Variants in GRID2 observed in about 807,000 individuals in gnomAD.
GRID2 encodes glutamate receptor ionotropic, delta-2.
Under a neutral mutation model 114.8 loss-of-function variants are expected in GRID2, and 33 were observed. That is an observed-to-expected ratio of 0.29 (90% CI 0.22 to 0.38). The LOEUF is 0.38. GRID2 is among the 10% of genes least tolerant of loss of function. The pLI is 1.00. For synonymous variants in GRID2, 505 were observed against 449.9 expected (o/e 1.12, Z -1.55); for missense variants, 1,184 against 1,257.7 (o/e 0.94, Z 0.89).
At chr4:93,714,551 C>T (rs1205298185) in intron 14 of GRID2, among the ~76,000 whole-genome samples, 1 of 152,054 alleles carries the variant, frequency 6.6e-6, no homozygotes, top group Non-Finnish European at 1.5e-5. Flanking sequence ...ATTTACACTC[C>T]CACCAACATT....
intron 8 of GRID2, among the ~76,000 whole-genome samples, chr4:93,258,021 C>CAAT (rs1240950046): frequency 1.2e-4 from 18 of 148,118 alleles, no homozygotes; most frequent in African/African-American, 4.6e-4. Context: ...CACACACACA[C>CAAT]ACACACAATA....
chr4:92,941,033 T>G (rs1002436724), intron 2 of GRID2, among the ~76,000 whole-genome samples: 1 of 152,172 alleles, frequency 6.6e-6, no homozygotes, highest in African/African-American at 2.4e-5. Flanking sequence ...AATTCTCTTT[T>G]ATTGTTGTGT....
intron 1 of GRID2, among the ~76,000 whole-genome samples, chr4:92,388,568 T>A (rs1730090391): frequency 6.6e-6 from 1 of 152,002 alleles, no homozygotes; most frequent in South Asian, 2.1e-4. Context: ...GCTCTAAGAC[T>A]CTCATCTTTT....
intron 13 of GRID2, among the ~76,000 whole-genome samples, chr4:93,617,124 C>A (rs1741756041): frequency 6.6e-6 from 1 of 152,122 alleles, no homozygotes; most frequent in African/African-American, 2.4e-5. Context: ...AGAAAACATT[C>A]AAGTAAGATC....
At chr4:92,576,687 A>T (rs186133306) in intron 1 of GRID2, among the ~76,000 whole-genome samples, 2 of 152,280 alleles carry the variant, frequency 1.3e-5, no homozygotes, top group African/African-American at 4.8e-5. Flanking sequence ...GCATGGGCCC[A>T]TGATGGGACC....
chr4:92,757,641 G>A (rs993220440), intron 2 of GRID2, among the ~76,000 whole-genome samples: 4 of 151,942 alleles, frequency 2.6e-5, no homozygotes, highest in African/African-American at 9.7e-5. Flanking sequence ...GAGTATGATA[G>A]AGAAGAATAA....
chr4:93,795,557 T>C (rs897070126), intron 1 of GRID2, among the ~76,000 whole-genome samples: 1 of 152,164 alleles, frequency 6.6e-6, no homozygotes, highest in Non-Finnish European at 1.5e-5. Flanking sequence ...TTTATTGAAA[T>C]ACAACATTTC....
chr4:92,761,068 T>G (rs551568022), intron 2 of GRID2, among the ~76,000 whole-genome samples: 1 of 152,176 alleles, frequency 6.6e-6, no homozygotes, highest in Admixed American at 6.5e-5. Flanking sequence ...TTTAACTACA[T>G]TGTATCCTGG....
intron 3 of GRID2, among the ~76,000 whole-genome samples, chr4:93,110,101 A>C (rs1269542932): frequency 6.6e-6 from 1 of 152,172 alleles, no homozygotes; most frequent in Non-Finnish European, 1.5e-5. Flanking sequence ...TATGTTTTGC[A>C]CATTAAGTAT....
intron 13 of GRID2, among the ~76,000 whole-genome samples, chr4:93,560,475 A>G (rs544440186): frequency 2.0e-5 from 3 of 151,916 alleles, no homozygotes; most frequent in Admixed American, 1.3e-4. Context: ...AAACAACCAG[A>G]TCTCATGTGA....
At chr4:93,040,609 A>G (rs896854764) in intron 2 of GRID2, among the ~76,000 whole-genome samples, 10 of 152,150 alleles carry the variant, frequency 6.6e-5, no homozygotes, top group Non-Finnish European at 1.2e-4. Context: ...TAACTGTGAT[A>G]ATTTAAGTCT....
chr4:92,471,819 G>T (rs989726241), intron 1 of GRID2, among the ~76,000 whole-genome samples: 1 of 149,874 alleles, frequency 6.7e-6, no homozygotes, highest in African/African-American at 2.4e-5. Context: ...CACTGTATTA[G>T]TTTGCATTTT....
At chr4:93,681,131 C>A (rs143257096) in intron 14 of GRID2, among the ~76,000 whole-genome samples, 1 of 151,072 alleles carries the variant, frequency 6.6e-6, no homozygotes, top group Non-Finnish European at 1.5e-5. Flanking sequence ...TCTTATACAC[C>A]AATAACAGAC....
At chr4:93,030,642 C>A (rs1201523451) in intron 2 of GRID2, among the ~76,000 whole-genome samples, 1 of 152,118 alleles carries the variant, frequency 6.6e-6, no homozygotes, top group East Asian at 1.9e-4. Context: ...ACTTTGGCCT[C>A]CCAAAGTGCG....
chr4:93,182,260 C>T (rs1456189982), intron 4 of GRID2, among the ~76,000 whole-genome samples: 8 of 152,006 alleles, frequency 5.3e-5, no homozygotes. Context: ...TAGTTGAACT[C>T]ATTGTGTAGA....
At chr4:92,307,436 AAGAC>A (rs1725466127) in intron 1 of GRID2, among the ~76,000 whole-genome samples, 1 of 152,110 alleles carries the variant, frequency 6.6e-6, no homozygotes, top group South Asian at 2.1e-4. Context: ...GAAAGATGAA[AAGAC>A]ACTGCTCTAA....
chr4:93,755,713 T>C (rs1179786828), intron 14 of GRID2, among the ~76,000 whole-genome samples: 3 of 152,220 alleles, frequency 2.0e-5, no homozygotes, highest in Non-Finnish European at 4.4e-5. Flanking sequence ...GATCGGCTTC[T>C]ACCAACTAAA....
intron 2 of GRID2, among the ~76,000 whole-genome samples, chr4:92,726,368 A>G (rs545968722): frequency 1.3e-5 from 2 of 152,230 alleles, no homozygotes; most frequent in East Asian, 1.9e-4. Flanking sequence ...CACTCAGACT[A>G]TAGGAATTTT....
chr4:93,341,631 A>G (rs1481317386), intron 8 of GRID2, among the ~76,000 whole-genome samples: 2 of 152,110 alleles, frequency 1.3e-5, no homozygotes, highest in Non-Finnish European at 2.9e-5. Flanking sequence ...ACCTTTAGTA[A>G]TGGTTTTTAT....
Sources: allele counts gnomAD v4.1 joint callset (sites outside exome capture counted in the v4.1 genomes callset), GRCh38; gene constraint gnomAD v4.1.1; transcripts MANE v1.5; gene names NCBI Gene and HGNC (gene_info 2026-07-23, HGNC 2026-07-21).